MUC20: variants seen among roughly 807,000 people sequenced by gnomAD.
MUC20 encodes mucin 20, cell surface associated, also known as mucin-20.
MUC20 carries 14 observed loss-of-function variants against 23.8 expected under a neutral mutation model. That is an observed-to-expected ratio of 0.59 (90% confidence interval 0.39 to 0.92). MUC20 has a LOEUF of 0.92. Ranked by LOEUF, MUC20 falls within the 40% of genes least tolerant of loss-of-function variation. The pLI is 0.00. For synonymous variants in MUC20, 166 were observed against 279.3 expected (o/e 0.59, Z 4.04); for missense variants, 375 against 668.8 (o/e 0.56, Z 4.85).
chr3:195,733,095 G>A, intron 3 of MUC20, 55 bp from the exon 4 acceptor site: 1 of 1,542,138 alleles, frequency 6.5e-7, no homozygotes, highest in Non-Finnish European at 8.8e-7. Flanking sequence ...CTCTGCCTCT[G>A]GCGAGCTCAT....
At chr3:195,729,544 G>C in intron 2 of MUC20, 104 bp from the exon 3 acceptor site, 2 of 1,096,692 alleles carry the variant, frequency 1.8e-6, no homozygotes, top group Non-Finnish European at 2.7e-6. Flanking sequence ...TCAAACTCCC[G>C]ATCTCAGGTG....
At chr3:195,726,987 G>C (rs1712759563) in intron 2 of MUC20, among the ~76,000 whole-genome samples, 1 of 152,302 alleles carries the variant, frequency 6.6e-6, no homozygotes, top group African/African-American at 2.4e-5. Flanking sequence ...TAGCCACACA[G>C]AGGAGCAGCA....
chr3:195,731,311 T>C (rs1281735801), intron 3 of MUC20, among the ~76,000 whole-genome samples: 1 of 152,260 alleles, frequency 6.6e-6, no homozygotes, highest in Non-Finnish European at 1.5e-5. Context: ...GCTGGGGGTC[T>C]TATGCCAGGT....
chr3:195,728,688 A>G (rs913100539), intron 2 of MUC20, among the ~76,000 whole-genome samples: 2 of 152,068 alleles, frequency 1.3e-5, no homozygotes, highest in African/African-American at 2.4e-5. Context: ...TACGGGTGTC[A>G]GCCTGGGGGA....
intron 2 of MUC20, among the ~76,000 whole-genome samples, chr3:195,727,818 G>C (rs1440521160): frequency 7.1e-6 from 1 of 140,412 alleles, no homozygotes; most frequent in African/African-American, 3.3e-5. Flanking sequence ...CTGATGCCAG[G>C]CAGTGTGCCA....
chr3:195,730,735 A>T (rs1372124214), intron 3 of MUC20, among the ~76,000 whole-genome samples: 11 of 152,220 alleles, frequency 7.2e-5, no homozygotes, highest in African/African-American at 2.4e-4. Flanking sequence ...CCCAGTCAGG[A>T]TCCCATAGAG....
At chr3:195,722,211 T>C (rs2641743) in intron 1 of MUC20, 391,615 of 520,910 alleles carry the variant, frequency 0.75, 147,662 homozygotes, top group African/African-American at 0.81. Flanking sequence ...CGGCCCTGTT[T>C]TTACCACCCC....
At chr3:195,729,081 C>T (rs1713070483) in intron 2 of MUC20, among the ~76,000 whole-genome samples, 1 of 152,254 alleles carries the variant, frequency 6.6e-6, no homozygotes, top group African/African-American at 2.4e-5. Context: ...CTGATCGCTC[C>T]TTCTTTTCCC....
At chr3:195,732,103 A>G (rs868140006) in intron 3 of MUC20, among the ~76,000 whole-genome samples, 27 of 152,214 alleles carry the variant, frequency 1.8e-4, no homozygotes, top group South Asian at 4.1e-4. Flanking sequence ...TCCCAGGTTC[A>G]AGCCATTCTC....
intron 3 of MUC20, among the ~76,000 whole-genome samples, chr3:195,731,893 G>A (rs1197132469): frequency 6.6e-6 from 1 of 152,068 alleles, no homozygotes; most frequent in African/African-American, 2.4e-5. Flanking sequence ...GACACCCGAT[G>A]GCCAAATAAG....
chr3:195,726,119 A>G lies in MUC20; in HGVS notation c.1516A>G (p.Thr506Ala), dbSNP rs767806344. The change falls in exon 2 of 4, where the codon ACA becomes GCA. Residue 506 changes from threonine to alanine, a missense_variant. Physicochemically the swap from Thr to Ala is moderately conservative, Grantham distance 58 (BLOSUM62 0). Transcript: ENST00000447234. ...GACCCCACTCCCCACTAACAGCGCC[A>G]CAGAAAGAGAAGTGACAGCACCCGG... ...VGTPLPTNSATEREVTAPGAT... is the reference protein window; with the variant it reads ...VGTPLPTNSAAEREVTAPGAT... The G allele has an allele frequency of 1.9e-6, 3 of 1,609,080 alleles. No individual in the cohort carries two copies. The highest frequency in any genetic ancestry group is 1.7e-4 in the Middle Eastern group (1 of 6,018).
chr3:195,726,448 C>G lies in MUC20; in HGVS notation c.1845C>G (p.Thr615=). 6.2e-7 allele frequency: 1 copy of G among 1,614,042 alleles called. No homozygotes were observed. The highest frequency in any genetic ancestry group is 8.5e-7 in the Non-Finnish European group (1 of 1,179,896). ...TTCCTTCTGTCCCTCCGACTACAAC[C>G]AACAGCAGCCGAGGGACGAACAGCA... ...DPLPSVPPTT[T]NSSRGTNSTL... is the part of the protein sequence containing the mutation. Residue 615 remains threonine, a synonymous_variant, in exon 2 of 4, where the codon ACC becomes ACG. Transcript: ENST00000447234.
At chr3:195,728,266 T>C (rs545985357) in intron 2 of MUC20, among the ~76,000 whole-genome samples, 340 of 152,286 alleles carry the variant, frequency 2.2e-3, no homozygotes, top group African/African-American at 7.6e-3. Flanking sequence ...TCTCTGAGTT[T>C]TCTCAGTTTT....
chr3:195,730,099 C>CA (rs4036961), intron 3 of MUC20: 30,234 of 91,174 alleles, frequency 0.33, 2,527 homozygotes, highest in Non-Finnish European at 0.38. Context: ...GCAGTTTATG[C>CA]AAAAAAAAAA....
chr3:195,729,447 G>C, intron 2 of MUC20: 2 of 571,964 alleles, frequency 3.5e-6, no homozygotes, highest in Non-Finnish European at 6.2e-6. Context: ...CTCCTGAGTA[G>C]CTGGGATTAC....
Position 195,729,698 on chromosome 3 carries a change from G to C in MUC20, c.2020G>C (p.Asp674His). 1.3e-6 allele frequency: 2 copies of C among 1,597,378 alleles called. No individual in the cohort carries two copies. The highest frequency in any genetic ancestry group is 2.7e-5 in the African/African-American group (2 of 74,692). ...LLRLSVASPEDLTDPRVAERL... is the reference protein window; with the variant it reads ...LLRLSVASPEHLTDPRVAERL... Reference sequence around the variant, plus strand: ...GCGGCTGAGTGTGGCTTCCCCGGAAGACCTCACTGACCCCAGAGTGGCAGA... The same window carrying C: ...GCGGCTGAGTGTGGCTTCCCCGGAACACCTCACTGACCCCAGAGTGGCAGA... Residue 674 changes from aspartate to histidine, a missense_variant, in exon 3 of 4, where the codon GAC becomes CAC. Around this residue, in one of 4 missense-constraint regions of MUC20, gnomAD observed 343 missense variants for 340.2 expected, o/e 1.01. Transcript: ENST00000447234.
chr3:195,731,348 G>A (rs947439689), intron 3 of MUC20, among the ~76,000 whole-genome samples: 2 of 152,236 alleles, frequency 1.3e-5, no homozygotes, highest in Non-Finnish European at 2.9e-5. Context: ...GGCTGGACAG[G>A]TGGAATGATT....
At position 195,733,181 on chromosome 3, in the gene MUC20, A is replaced by G. The variant is rs748202416; in HGVS notation, c.2093A>G (p.His698Arg). The G allele has an allele frequency of 4.4e-6, 7 of 1,595,750 alleles. No homozygotes were observed. The highest frequency in any genetic ancestry group is 8.5e-7 in the Non-Finnish European group (1 of 1,172,128). Residue 698 changes from histidine to arginine, a missense_variant, in exon 4 of 4, where the codon CAC becomes CGC. This residue lies in a region of MUC20 where 343 missense variants were observed against 340.2 expected (regional missense o/e 1.01). Coordinates refer to ENST00000447234, the MANE Select transcript of MUC20 (RefSeq NM_001282506.2). ...CGGGAACTCCACGCCCACGCGCCTC[A>G]CTTCCAGGTCTCCTTACTGCGTGTC... ...LHRELHAHAPHFQVSLLRVRR... is the reference protein window; with the variant it reads ...LHRELHAHAPRFQVSLLRVRR...
chr3:195,727,170 C>T (rs150376236), intron 2 of MUC20, among the ~76,000 whole-genome samples: 12,001 of 150,020 alleles, frequency 0.08, 84 homozygotes, highest in African/African-American at 0.16. Context: ...GAGGCAGAGG[C>T]CGGCGGATCA....
Sources: gnomAD v4.1 joint callset for allele counts (sites outside exome capture counted in the v4.1 genomes callset) on GRCh38, gnomAD v4.1.1 for gene constraint, gnomAD v4.1.1 regional missense constraint, MANE v1.5 for transcripts, NCBI Gene and HGNC (gene_info 2026-07-23, HGNC 2026-07-21) for gene names.